Variants in TTC17 observed in about 807,000 individuals in gnomAD.
TTC17 encodes tetratricopeptide repeat protein 17.
A neutral mutation model predicts 143.8 loss-of-function variants in TTC17; 58 were observed. The observed-to-expected ratio is 0.40, with a 90% CI of 0.33 to 0.50. The LOEUF is 0.50. Ranked by LOEUF, TTC17 falls within the 20% of genes least tolerant of loss-of-function variation. TTC17 has a pLI of 0.49. For synonymous variants in TTC17, 501 were observed against 497.8 expected, an observed-to-expected ratio of 1.01 and a Z score of -0.09; for missense variants, 1,273 against 1,392.5, an observed-to-expected ratio of 0.91 and a Z score of 1.37.
intron 18 of TTC17, among the ~76,000 whole-genome samples, chr11:43,445,128 A>G (rs1221085712): frequency 4.6e-5 from 7 of 152,358 alleles, no homozygotes; most frequent in East Asian, 1.9e-4. Context: ...TATTGGTAAT[A>G]TAGTAAGTAA....
At chr11:43,450,755 A>G (rs144076163) in intron 20 of TTC17, among the ~76,000 whole-genome samples, 5 of 152,360 alleles carry the variant, frequency 3.3e-5, no homozygotes, top group South Asian at 2.1e-4. Flanking sequence ...TTTTCACAAT[A>G]TATAATGTGA....
At position 43,461,390 on chromosome 11, in the gene TTC17, C is replaced by CAAAA. The variant is rs750240102; in HGVS notation, c.3030+10148_3030+10151dup. The stretch of plus-strand genomic sequence containing the variant: ...TGGGCGACAGAGCGAAACTCCGTCT[C>CAAAA]AAAAAAAAAAAAAAAAAAAAAAAAA... On this transcript the variant is annotated intron_variant, in intron 21 of 23. Coordinates refer to ENST00000039989, the MANE Select transcript of TTC17 (RefSeq NM_018259.6). Among the ~76,000 whole-genome samples the CAAAA allele has an allele frequency of 1.7e-4, 6 of 36,030 alleles. 1 individual carries two copies. The highest frequency in any genetic ancestry group is 2.1e-4 in the Non-Finnish European group (4 of 19,178). The allele number at this position is 36,030 out of a possible 152,430, so 23.6% of individuals were successfully genotyped here. A position where few individuals can be genotyped will look rare whatever the true frequency, so the allele number is the denominator to read the frequency against.
chr11:43,373,189 A>T (rs1243659036), intron 1 of TTC17, among the ~76,000 whole-genome samples: 3 of 152,168 alleles, frequency 2.0e-5, no homozygotes, highest in Non-Finnish European at 1.5e-5. Context: ...ATTCTAAAAA[A>T]GATTTTCTTA....
chr11:43,479,808 C>T (rs556393747), intron 21 of TTC17, among the ~76,000 whole-genome samples: 10 of 152,252 alleles, frequency 6.6e-5, no homozygotes, highest in African/African-American at 2.2e-4. Context: ...AAAAGGGCAG[C>T]AAGTGATTAG....
rs1565149462 is a variant in TTC17, at chr11:43,405,874, A to G, written c.1684A>G (p.Thr562Ala). 2 of 1,613,888 alleles carry G rather than the reference A, an allele frequency of 1.2e-6. No homozygotes were observed. The highest frequency in any genetic ancestry group is 1.7e-6 in the Non-Finnish European group (2 of 1,179,950). ...CSITDFRKSH[T>A]LSYLVKELEV... ...CATAACTGACTTCAGAAAAAGCCACACTCTGTCCTACTTAGTCAAAGAATT... is the reference window on the plus strand; with the variant it reads ...CATAACTGACTTCAGAAAAAGCCACGCTCTGTCCTACTTAGTCAAAGAATT... Residue 562 changes from threonine to alanine, a missense_variant, in exon 13 of 24, where the codon ACT (threonine) becomes GCT (alanine). By Grantham distance (58) the Thr-to-Ala change is moderately conservative. Coordinates refer to ENST00000039989, the MANE Select transcript of TTC17 (RefSeq NM_018259.6).
chr11:43,371,440 T>C (rs116631313), intron 1 of TTC17, among the ~76,000 whole-genome samples: 395 of 152,330 alleles, frequency 2.6e-3, no homozygotes, highest in African/African-American at 8.9e-3. Flanking sequence ...AACTTACTTA[T>C]GTTTACTGGT....
chr11:43,423,816 G>A (rs1469078121), intron 16 of TTC17, among the ~76,000 whole-genome samples: 1 of 152,132 alleles, frequency 6.6e-6, no homozygotes, highest in East Asian at 1.9e-4. Context: ...TGAATAAACT[G>A]TGGGAAGCTC....
intron 1 of TTC17, among the ~76,000 whole-genome samples, chr11:43,368,322 C>A (rs1467168109): frequency 6.6e-6 from 1 of 152,198 alleles, no homozygotes; most frequent in Non-Finnish European, 1.5e-5. Flanking sequence ...ATATATCCAA[C>A]TGCCTACTGA....
At chr11:43,434,727 T>C (rs745946000) in intron 16 of TTC17, among the ~76,000 whole-genome samples, 19 of 152,262 alleles carry the variant, frequency 1.2e-4, no homozygotes, top group East Asian at 3.8e-4. Context: ...TTGTATTTAC[T>C]GTCTCCCCAA....
intron 21 of TTC17, among the ~76,000 whole-genome samples, chr11:43,473,037 C>T (rs748857455): frequency 6.6e-5 from 10 of 151,406 alleles, no homozygotes; most frequent in African/African-American, 1.5e-4. Flanking sequence ...TAACCATGTG[C>T]GGTGGTGCGT....
intron 16 of TTC17, among the ~76,000 whole-genome samples, chr11:43,434,313 T>G (rs1320102504): frequency 6.6e-6 from 1 of 152,116 alleles, no homozygotes. Flanking sequence ...GTTGTACTTT[T>G]CACTGCTCCC....
chr11:43,363,318 G>C (rs896967689), intron 1 of TTC17, among the ~76,000 whole-genome samples: 20 of 152,014 alleles, frequency 1.3e-4, no homozygotes, highest in Non-Finnish European at 2.8e-4. Flanking sequence ...TGCATCAAAG[G>C]TTAAACTTGT....
intron 16 of TTC17, among the ~76,000 whole-genome samples, chr11:43,440,490 T>G (rs575738166): frequency 6.6e-6 from 1 of 152,350 alleles, no homozygotes; most frequent in South Asian, 2.1e-4. Flanking sequence ...CCTATCCTAT[T>G]ACTAATTTTT....
At chr11:43,362,756 G>T (rs540944656) in intron 1 of TTC17, among the ~76,000 whole-genome samples, 2 of 152,284 alleles carry the variant, frequency 1.3e-5, no homozygotes, top group Non-Finnish European at 1.5e-5. Flanking sequence ...ACCATGCCCA[G>T]CAAGTTGTTG....
intron 1 of TTC17, among the ~76,000 whole-genome samples, chr11:43,363,826 T>TA (rs1856216178): frequency 6.6e-6 from 1 of 152,072 alleles, no homozygotes; most frequent in Non-Finnish European, 1.5e-5. Context: ...TCATAACACT[T>TA]ACAAATGAAG....
At chr11:43,380,661 C>T (rs1030373625) in intron 2 of TTC17, among the ~76,000 whole-genome samples, 1 of 152,124 alleles carries the variant, frequency 6.6e-6, no homozygotes, top group African/African-American at 2.4e-5. Flanking sequence ...ATACATATGT[C>T]TACAAATAGT....
In TTC17 at chr11:43,379,234, T is replaced by G; in HGVS notation, c.161T>G (p.Val54Gly). The change falls in exon 2 of 24, where the codon GTG becomes GGG. Residue 54 changes from valine (V) to glycine (G), a missense_variant and splice_region_variant. Physicochemically the swap from Val to Gly is moderately radical, Grantham distance 109 (BLOSUM62 -3). Transcript: ENST00000039989. ...TATTTATTTATTGCTTGCTTGCAGG[T>G]GGATTCACCAATGAACTTGAAGCAT... ...VTEDGKIQQQ[V>G]DSPMNLKHPH... The G allele has an allele frequency of 6.2e-7, 1 of 1,611,954 alleles. No individual in the cohort carries two copies. Among genetic ancestry groups the G allele is most frequent in the Non-Finnish European group, 8.5e-7 (1 of 1,179,414 alleles).
At chr11:43,454,676 G>T (rs1198361982) in intron 21 of TTC17, among the ~76,000 whole-genome samples, 1 of 152,024 alleles carries the variant, frequency 6.6e-6, no homozygotes, top group Non-Finnish European at 1.5e-5. Context: ...CAAAGTTTAT[G>T]ATCTCCATAC....
At position 43,359,283 on chromosome 11, in the gene TTC17, C is replaced by G. The variant is rs959991817; in HGVS notation, c.159+170C>G. The G allele has an allele frequency of 1.3e-5, 10 of 791,986 alleles. No homozygotes were observed. In the Admixed American group the frequency reaches 1.7e-4, roughly 13 times the overall value. 49.1% of individuals were successfully genotyped at this position (791,986 alleles called of 1,614,324 possible). A position where few individuals can be genotyped will look rare whatever the true frequency, so the allele number is the denominator to read the frequency against. Reference sequence around the variant, plus strand: ...GCATTCGGACCAGGCAGGCACTTCCCGCTCCCCACTTGTCTCCTGGTCCTC... The same window carrying G: ...GCATTCGGACCAGGCAGGCACTTCCGGCTCCCCACTTGTCTCCTGGTCCTC... On this transcript the variant is annotated intron_variant, in intron 1 of 23. Coordinates refer to ENST00000039989, the MANE Select transcript of TTC17 (RefSeq NM_018259.6).
Sources: gnomAD v4.1 joint callset for allele counts (sites outside exome capture counted in the v4.1 genomes callset) on GRCh38, gnomAD v4.1.1 for gene constraint, MANE v1.5 for transcripts, NCBI Gene and HGNC (gene_info 2026-07-23, HGNC 2026-07-21) for gene names.